The following FEZ1 variants were observed in gnomAD, a reference collection of about 807,000 sequenced individuals.
FEZ1 encodes the protein fasciculation and elongation protein zeta 1.
In FEZ1, 20 loss-of-function variants were observed where a neutral mutation model predicts 49.3. That is an observed-to-expected ratio of 0.41 (90% CI 0.29 to 0.59). The LOEUF is 0.59. Among genes scored for constraint, FEZ1 ranks in the 20% least tolerant of loss-of-function variants. FEZ1 has a pLI of 0.36. For missense variants in FEZ1, 413 were observed against 476.0 expected, an observed-to-expected ratio of 0.87 and a Z score of 1.23; for synonymous variants, 170 against 180.9, an observed-to-expected ratio of 0.94 and a Z score of 0.48.
At chr11:125,472,563 A>G (rs1240008994) in intron 3 of FEZ1, among the ~76,000 whole-genome samples, 2 of 152,172 alleles carry the variant, frequency 1.3e-5, no homozygotes, top group African/African-American at 4.8e-5. Flanking sequence ...GTAAAATTGA[A>G]TTTGTAACTG....
At chr11:125,486,371 T>C (rs1237730421) in intron 2 of FEZ1, among the ~76,000 whole-genome samples, 1 of 152,156 alleles carries the variant, frequency 6.6e-6, no homozygotes, top group Non-Finnish European at 1.5e-5. Flanking sequence ...CAATCTCTTA[T>C]GGCAAAGGAA....
At chr11:125,472,333 G>T (rs1324994204) in intron 3 of FEZ1, among the ~76,000 whole-genome samples, 3 of 151,954 alleles carry the variant, frequency 2.0e-5, no homozygotes, top group African/African-American at 7.2e-5. Flanking sequence ...GATTAATAAA[G>T]GTGATAATCC....
intron 5 of FEZ1, among the ~76,000 whole-genome samples, chr11:125,458,092 G>A (rs1387492135): frequency 6.6e-6 from 1 of 152,182 alleles, no homozygotes; most frequent in Non-Finnish European, 1.5e-5. Flanking sequence ...GTCCAGTTCA[G>A]CACCGAGCAG....
At chr11:125,449,417 T>TAAAAAAAAAAAAAAAAAAAAAAA (rs35920814) in intron 8 of FEZ1, among the ~76,000 whole-genome samples, 1 of 27,014 alleles carries the variant, frequency 3.7e-5, no homozygotes, top group African/African-American at 1.4e-4. Flanking sequence ...TTTGTCTCTA[T>TAAAAAAAAAAAAAAAAAAAAAAA]AAAAAAAAAA....
chr11:125,448,667 T>A, intron 8 of FEZ1, 100 bp from the exon 9 acceptor site: 1 of 773,604 alleles, frequency 1.3e-6, no homozygotes, highest in Non-Finnish European at 2.3e-6. Flanking sequence ...GAGAAATGAT[T>A]CAAAAGAACC....
chr11:125,453,649 TA>T (rs1336675338), intron 7 of FEZ1: 1 of 152,660 alleles, frequency 6.6e-6, no homozygotes, highest in African/African-American at 2.4e-5. Flanking sequence ...AATGCTGTCT[TA>T]ATAACCAGAA....
Position 125,490,138 on chromosome 11 carries a change from T to C in FEZ1, c.-45-316A>G, listed in dbSNP as rs116294670. 7.8e-3 allele frequency among the ~76,000 whole-genome samples: 1,181 copies of C among 152,308 alleles called. 17 individuals carry two copies. The highest frequency in any genetic ancestry group is 0.026 in the African/African-American group (1,095 of 41,542). On this transcript the variant is annotated intron_variant, in intron 1 of 9. Transcript: ENST00000278919. The stretch of plus-strand genomic sequence containing the variant: ...GCTTAAAACAGTACCTGGAAGATAA[T>C]AAGTGCCAATATTATTGAATACTTT...
At chr11:125,467,289 C>G (rs1403684226) in intron 3 of FEZ1, among the ~76,000 whole-genome samples, 1 of 152,098 alleles carries the variant, frequency 6.6e-6, no homozygotes, top group East Asian at 1.9e-4. Flanking sequence ...AGCAATCCTC[C>G]CACCTCAGCC....
rs865834675 is a variant in FEZ1, at chr11:125,445,142, G to A, written c.*953C>T. On this transcript the variant is annotated 3_prime_UTR_variant, in exon 10 of 10. Coordinates refer to ENST00000278919, the MANE Select transcript of FEZ1 (RefSeq NM_005103.5). The surrounding 1 kb of genome is among the most constrained non-coding windows in gnomAD (Gnocchi z 4.4). The stretch of plus-strand genomic sequence containing the variant: ...GCCATCAATGCTGGAGACAGTGCGA[G>A]GAGTCAGAGCTGCTGTTCATGGAGG... Among the ~76,000 whole-genome samples, 10 of 152,246 alleles carry A rather than the reference G, an allele frequency of 6.6e-5. No individual in the cohort carries two copies. Among genetic ancestry groups the A allele is most frequent in the Admixed American group, 5.2e-4 (8 of 15,292 alleles).
At chr11:125,452,661 G>A in intron 7 of FEZ1, 1 of 431,820 alleles carries the variant, frequency 2.3e-6, no homozygotes, top group East Asian at 3.6e-5. Flanking sequence ...CTGTTATTTA[G>A]GAATCCTGGG....
chr11:125,491,973 G>A (rs1957387341), intron 1 of FEZ1, among the ~76,000 whole-genome samples: 1 of 152,130 alleles, frequency 6.6e-6, no homozygotes, highest in South Asian at 2.1e-4. Context: ...GAAGGTGTTG[G>A]TACAGAGTTA....
intron 4 of FEZ1, among the ~76,000 whole-genome samples, chr11:125,462,179 G>C (rs1957082021): frequency 6.6e-6 from 1 of 152,222 alleles, no homozygotes; most frequent in African/African-American, 2.4e-5. Flanking sequence ...TGGCACCGAA[G>C]GCTGCCAGTG....
intron 3 of FEZ1, among the ~76,000 whole-genome samples, chr11:125,475,088 G>A (rs188873301): frequency 1.3e-5 from 2 of 152,200 alleles, no homozygotes; most frequent in African/African-American, 2.4e-5. Context: ...TAGGCAACAT[G>A]GTGAAATCTC....
chr11:125,443,903 G>T lies in FEZ1; in HGVS notation c.*2192C>A, dbSNP rs1295628797. On this transcript the variant is annotated 3_prime_UTR_variant, in exon 10 of 10. Coordinates refer to ENST00000278919, the MANE Select transcript of FEZ1 (RefSeq NM_005103.5). ...TGCCGCTTCAGACACCTGCTGGCAGGATAAATTGGGGGAAAGGAGTGGCTG... is the reference window on the plus strand; with the variant it reads ...TGCCGCTTCAGACACCTGCTGGCAGTATAAATTGGGGGAAAGGAGTGGCTG... 6.6e-6 allele frequency among the ~76,000 whole-genome samples: 1 copy of T among 152,176 alleles called. No individual in the cohort carries two copies. The highest frequency in any genetic ancestry group is 1.5e-5 in the Non-Finnish European group (1 of 68,046).
intron 1 of FEZ1, among the ~76,000 whole-genome samples, chr11:125,492,317 C>A (rs1179958894): frequency 3.9e-5 from 6 of 152,174 alleles, no homozygotes; most frequent in African/African-American, 1.2e-4. Flanking sequence ...TACATAGACC[C>A]CTGCAGGCTC....
rs1957454235 is a variant in FEZ1 at position 125,495,558 on chromosome 11, G to A, written c.-46+563C>T. ...GCTGCCAGCGGTTCTGACACTGCAGGAATGCGCGGTCTGGGGAAGGCTCCG... is the reference window on the plus strand; with the variant it reads ...GCTGCCAGCGGTTCTGACACTGCAGAAATGCGCGGTCTGGGGAAGGCTCCG... On this transcript the variant is annotated intron_variant, in intron 1 of 9. Coordinates refer to ENST00000278919, the MANE Select transcript of FEZ1 (RefSeq NM_005103.5). This position sits in a 1 kb window ranked among gnomAD's most constrained non-coding sequence, Gnocchi z 4.2. 2.1e-6 allele frequency: 1 copy of A among 471,094 alleles called. No homozygotes were observed. Among genetic ancestry groups the A allele is most frequent in the South Asian group, 1.5e-5 (1 of 64,564 alleles). 29.2% of individuals were successfully genotyped at this position (471,094 alleles called of 1,614,324 possible).
At position 125,444,889 on chromosome 11, in the gene FEZ1, C is replaced by T. The variant is rs562130224; in HGVS notation, c.*1206G>A. On this transcript the variant is annotated 3_prime_UTR_variant, in exon 10 of 10. Transcript: ENST00000278919. ...GGGATCATACTAGCACCTGTTTACA[C>T]GTGGTGATGCTGTGATGTGTGCTAA... Among the ~76,000 whole-genome samples the T allele has an allele frequency of 1.3e-5, 2 of 152,190 alleles. No individual in the cohort carries two copies. The highest frequency in any genetic ancestry group is 6.5e-5 in the Admixed American group (1 of 15,286).
rs748860515 is a variant in FEZ1, at chr11:125,489,808, T to A, written c.-31A>T. Reference sequence around the variant, plus strand: ...CTCAGCAGGAGAACAACAGCGACTTTCAGGATGAGTTTATCTAAAAGAAAT... The same window carrying A: ...CTCAGCAGGAGAACAACAGCGACTTACAGGATGAGTTTATCTAAAAGAAAT... On this transcript the variant is annotated 5_prime_UTR_variant, in exon 2 of 10. Coordinates refer to ENST00000278919, the MANE Select transcript of FEZ1 (RefSeq NM_005103.5). The surrounding 1 kb of genome is among the most constrained non-coding windows in gnomAD (Gnocchi z 4.2). 6.6e-7 allele frequency: 1 copy of A among 1,516,950 alleles called. No individual in the cohort carries two copies. Among genetic ancestry groups the A allele is most frequent in the East Asian group, 2.3e-5 (1 of 43,962 alleles). 94.0% of individuals were successfully genotyped at this position (1,516,950 alleles called of 1,614,324 possible).
chr11:125,480,065 C>T lies in FEZ1; in HGVS notation c.411+1469G>A, dbSNP rs557040059. ...GACTCTGGTCCAGACACATAAACGT[C>T]CCCTTGGTTGAGTTTCATAAACAAT... On this transcript the variant is annotated intron_variant, in intron 3 of 9. Transcript: ENST00000278919. Among the ~76,000 whole-genome samples, 205 of 152,210 alleles carry T rather than the reference C, an allele frequency of 1.3e-3. 1 individual carries two copies. The highest frequency in any genetic ancestry group is 4.8e-3 in the African/African-American group (199 of 41,534).
Sources: gnomAD v4.1 joint callset for allele counts (sites outside exome capture counted in the v4.1 genomes callset) on GRCh38, gnomAD v4.1.1 for gene constraint, Gnocchi (gnomAD v3.1) non-coding constraint, MANE v1.5 for transcripts, NCBI Gene and HGNC (gene_info 2026-07-23, HGNC 2026-07-21) for gene names.